IL12RB2: variants seen among roughly 807,000 people sequenced by gnomAD.
IL12RB2 encodes interleukin-12 receptor subunit beta-2.
A neutral mutation model predicts 89.4 loss-of-function variants in IL12RB2; 82 were observed. That is an observed-to-expected ratio of 0.92 (90% CI 0.77 to 1.10). The LOEUF (loss-of-function observed/expected upper bound fraction) is 1.10. IL12RB2 is among the 50% of genes least tolerant of loss of function. The pLI is 0.00. For missense variants in IL12RB2, 963 were observed against 1,031.9 expected, an observed-to-expected ratio of 0.93 and a Z score of 0.92; for synonymous variants, 368 against 370.1, an observed-to-expected ratio of 0.99 and a Z score of 0.07.
rs748264932 is a variant in IL12RB2, at chr1:67,395,936, G to C, written c.2436G>C (p.Glu812Asp). 36 of 1,612,460 alleles carry C rather than the reference G, an allele frequency of 2.2e-5. No homozygotes were observed. Among genetic ancestry groups the C allele is most frequent in the Non-Finnish European group, 3.1e-5 (36 of 1,178,556 alleles). ...PSNIDDLPSHEAPLADSLEEL... is the reference protein window; with the variant it reads ...PSNIDDLPSHDAPLADSLEEL... ...ACATAGATGACCTCCCCTCACATGA[G>C]GCACCTCTCGCTGACTCTCTGGAAG... is the stretch of plus-strand genomic sequence containing the variant. The change falls in exon 17 of 17, where the codon GAG becomes GAC. Residue 812 changes from glutamate to aspartate, a missense_variant. By Grantham distance (45) the Glu-to-Asp change is conservative (BLOSUM62 2). Coordinates refer to ENST00000674203, the MANE Select transcript of IL12RB2 (RefSeq NM_001374259.2).
chr1:67,382,982 C>T (rs1664763964), intron 14 of IL12RB2, among the ~76,000 whole-genome samples: 1 of 152,164 alleles, frequency 6.6e-6, no homozygotes, highest in Admixed American at 6.5e-5. Flanking sequence ...TGCATATACC[C>T]CTGTTTTCAT....
At chr1:67,376,703 C>CGTGTGTGT (rs59880609) in intron 13 of IL12RB2, among the ~76,000 whole-genome samples, 3 of 150,790 alleles carry the variant, frequency 2.0e-5, no homozygotes, top group African/African-American at 4.9e-5. Flanking sequence ...AATATGTGTG[C>CGTGTGTGT]GTGTGTGTGT....
Position 67,380,021 on chromosome 1 carries a change from A to G in IL12RB2, c.1753A>G (p.Ile585Val), listed in dbSNP as rs1395886895. 6 of 1,612,696 alleles carry G rather than the reference A, an allele frequency of 3.7e-6. No individual in the cohort carries two copies. The highest frequency in any genetic ancestry group is 3.3e-5 in the Admixed American group (2 of 60,010). Residue 585 changes from isoleucine to valine, a missense_variant, in exon 14 of 17, where the codon ATA becomes GTA. Coordinates refer to ENST00000674203, the MANE Select transcript of IL12RB2 (RefSeq NM_001374259.2). The part of the protein sequence containing the change: ...PYRVSQNSHP[I>V]NSLQPRVTYV... ...CAGAGTCTCCCAAAATTCACATCCA[A>G]TAAACAGCCTGCAGCCCCGAGTGAC... is the stretch of plus-strand genomic sequence containing the variant.
At chr1:67,349,069 G>C (rs1424040686) in intron 9 of IL12RB2, among the ~76,000 whole-genome samples, 2 of 152,160 alleles carry the variant, frequency 1.3e-5, no homozygotes, top group African/African-American at 4.8e-5. Flanking sequence ...GCTGTGATCA[G>C]CTAGATTTTC....
rs1656344542 is a variant in IL12RB2 at position 67,320,450 on chromosome 1, A to C, written c.76+6A>C. 1 of 1,613,614 alleles carries C rather than the reference A, an allele frequency of 6.2e-7. No homozygotes were observed. Among genetic ancestry groups the C allele is most frequent in the Admixed American group, 1.7e-5 (1 of 60,002 alleles). Reference sequence around the variant, plus strand: ...GTTGATTAAAGCAAAAATAGGTAAGATATTTCTGTAAGTTACTCTGTGGAA... The same window carrying C: ...GTTGATTAAAGCAAAAATAGGTAAGCTATTTCTGTAAGTTACTCTGTGGAA... On this transcript the variant is annotated splice_donor_region_variant and intron_variant, in intron 3 of 16. Coordinates refer to ENST00000674203, the MANE Select transcript of IL12RB2 (RefSeq NM_001374259.2).
rs1655418176 is a variant in IL12RB2, at chr1:67,313,897, C to T, written c.-124-16C>T. On this transcript the variant is annotated splice_polypyrimidine_tract_variant and intron_variant, in intron 1 of 16. Coordinates refer to ENST00000674203, the MANE Select transcript of IL12RB2 (RefSeq NM_001374259.2). ...CTATTAATGTGAACTTGAGCAAGTC[C>T]CCTCTTTTTTTCTAGGTCACGGTGA... 6.6e-6 allele frequency: 1 copy of T among 152,024 alleles called. No individual in the cohort carries two copies. Among genetic ancestry groups the T allele is most frequent in the South Asian group, 2.1e-4 (1 of 4,792 alleles). The allele number at this position is 152,024 out of a possible 1,614,324, so 9.4% of individuals were successfully genotyped here.
intron 16 of IL12RB2, among the ~76,000 whole-genome samples, chr1:67,394,481 G>C (rs905989454): frequency 6.6e-6 from 1 of 151,870 alleles, no homozygotes; most frequent in African/African-American, 2.4e-5. Flanking sequence ...ATAAGTGAGA[G>C]AATTAATTAA....
At chr1:67,393,614 AAC>A (rs1201590998) in intron 16 of IL12RB2, among the ~76,000 whole-genome samples, 1 of 152,140 alleles carries the variant, frequency 6.6e-6, no homozygotes, top group Non-Finnish European at 1.5e-5. Flanking sequence ...GTGAAACGCA[AAC>A]ACACATCCTC....
intron 15 of IL12RB2, among the ~76,000 whole-genome samples, chr1:67,388,267 G>A (rs1665438570): frequency 6.6e-6 from 1 of 152,122 alleles, no homozygotes; most frequent in South Asian, 2.1e-4. Context: ...GTAAATCTGG[G>A]TCCTCTTCCT....
At chr1:67,367,024 A>G (rs1426466750) in intron 10 of IL12RB2, among the ~76,000 whole-genome samples, 1 of 152,194 alleles carries the variant, frequency 6.6e-6, no homozygotes, top group African/African-American at 2.4e-5. Context: ...TGTCTAAACA[A>G]ATATATGAAA....
chr1:67,393,019 T>C (rs1665993881), intron 16 of IL12RB2, among the ~76,000 whole-genome samples: 1 of 152,160 alleles, frequency 6.6e-6, no homozygotes, highest in African/African-American at 2.4e-5. Flanking sequence ...AAATATGGCC[T>C]CGAGGATGAA....
At position 67,359,756 on chromosome 1, in the gene IL12RB2, T is replaced by C. The variant is rs189171263; in HGVS notation, c.1259-8069T>C. On this transcript the variant is annotated intron_variant, in intron 10 of 16. Transcript: ENST00000674203. ...ACACACAGTGGTGATACTTTCAGTT[T>C]CCAGTCTAGCATCTAAGGCACTTTG... Among the ~76,000 whole-genome samples the C allele has an allele frequency of 2.9e-4, 44 of 152,164 alleles. 1 individual carries two copies. In the East Asian group the frequency reaches 7.9e-3, roughly 27 times the overall value.
In IL12RB2 at chr1:67,307,935, C is replaced by CCCGGGA. The variant is rs1280338485; in HGVS notation, c.-153_-148dup. ...ACCGGGGCCACCCGGTCCCCGCAGG[C>CCCGGGA]CCGGGACCGCGCCCGCTGGCAGGCG... On this transcript the variant is annotated 5_prime_UTR_variant, in exon 1 of 17. Transcript: ENST00000674203. 1 of 151,938 alleles carries CCCGGGA rather than the reference C, an allele frequency of 6.6e-6. No homozygotes were observed. The highest frequency in any genetic ancestry group is 2.4e-5 in the African/African-American group (1 of 41,392). The allele number at this position is 151,938 out of a possible 1,614,324, so 9.4% of individuals were successfully genotyped here.
At chr1:67,324,287 A>G (rs1461469764) in intron 4 of IL12RB2, among the ~76,000 whole-genome samples, 3 of 152,116 alleles carry the variant, frequency 2.0e-5, no homozygotes, top group African/African-American at 7.2e-5. Flanking sequence ...CGGTGGCGCA[A>G]TCTCGTCTCA....
intron 10 of IL12RB2, among the ~76,000 whole-genome samples, chr1:67,360,707 A>G (rs1378095473): frequency 6.6e-6 from 1 of 151,792 alleles, no homozygotes. Flanking sequence ...AAGGCAGGAG[A>G]ATCACTTGAA....
At chr1:67,385,948 C>T (rs760019645) in intron 14 of IL12RB2, among the ~76,000 whole-genome samples, 8 of 152,146 alleles carry the variant, frequency 5.3e-5, no homozygotes, top group African/African-American at 1.7e-4. Context: ...CGGTGGCTCA[C>T]GCCTGTAATC....
intron 15 of IL12RB2, among the ~76,000 whole-genome samples, chr1:67,386,919 C>G (rs1004782276): frequency 1.6e-5 from 1 of 60,680 alleles, no homozygotes. Context: ...TATATATATT[C>G]TTTTTTTCCC....
chr1:67,344,138 C>T (rs1659962823), intron 9 of IL12RB2, among the ~76,000 whole-genome samples: 1 of 152,052 alleles, frequency 6.6e-6, no homozygotes, highest in South Asian at 2.1e-4. Flanking sequence ...CAGAGAGGGA[C>T]ACCTCTATGG....
chr1:67,352,998 T>C (rs1557437452), intron 10 of IL12RB2, among the ~76,000 whole-genome samples: 1 of 152,214 alleles, frequency 6.6e-6, no homozygotes, highest in Non-Finnish European at 1.5e-5. Context: ...ATTTTAGCCT[T>C]AGAAATGTAT....
Sources: allele counts gnomAD v4.1 joint callset (sites outside exome capture counted in the v4.1 genomes callset), GRCh38; gene constraint gnomAD v4.1.1; transcripts MANE v1.5; gene names NCBI Gene and HGNC (gene_info 2026-07-23, HGNC 2026-07-21).